Variants in SUGCT observed in about 807,000 individuals in gnomAD.
SUGCT encodes the protein succinyl-CoA:glutarate CoA-transferase.
SUGCT carries 41 observed loss-of-function variants against 55.0 expected under a neutral mutation model. The ratio of observed to expected loss-of-function variants is 0.74; its 90% CI spans 0.58 to 0.97. The LOEUF (loss-of-function observed/expected upper bound fraction) is 0.97. SUGCT is among the 50% of genes least tolerant of loss of function. The pLI, the probability that SUGCT is intolerant of heterozygous loss-of-function variation, is 0.00. For missense variants in SUGCT, 568 were observed against 547.8 expected (o/e 1.04, Z -0.37); for synonymous variants, 187 against 200.4 (o/e 0.93, Z 0.56).
At chr7:40,217,420 C>T (rs1169416024) in intron 6 of SUGCT, 3 of 446,978 alleles carry the variant, frequency 6.7e-6, no homozygotes, top group Non-Finnish European at 1.3e-5. Context: ...CCATGTTGCC[C>T]AGGATGGTCT....
At chr7:40,955,450 A>G in the SUGCT span, among the ~76,000 whole-genome samples, 1 of 152,208 alleles carries the variant, frequency 6.6e-6, no homozygotes, top group Non-Finnish European at 1.5e-5. Context: ...TTGTTGGTGT[A>G]TAGGAATGCT....
At chr7:40,275,559 A>G (rs770723213) in intron 8 of SUGCT, among the ~76,000 whole-genome samples, 1 of 152,228 alleles carries the variant, frequency 6.6e-6, no homozygotes, top group Non-Finnish European at 1.5e-5. Context: ...TAATTGTAAT[A>G]TGATACAAAG....
At chr7:40,839,893 A>T (rs1793189669) in intron 13 of SUGCT, among the ~76,000 whole-genome samples, 2 of 152,096 alleles carry the variant, frequency 1.3e-5, no homozygotes, top group Non-Finnish European at 2.9e-5. Context: ...AGTAATGCCC[A>T]CCGAGTGTGC....
At chr7:40,711,240 G>A (rs908543508) in intron 12 of SUGCT, among the ~76,000 whole-genome samples, 4 of 152,200 alleles carry the variant, frequency 2.6e-5, no homozygotes, top group Non-Finnish European at 4.4e-5. Context: ...GGCTGGGCGC[G>A]GTGGCCCATG....
chr7:40,903,756 C>T, the SUGCT span, among the ~76,000 whole-genome samples: 1 of 152,148 alleles, frequency 6.6e-6, no homozygotes, highest in Non-Finnish European at 1.5e-5. Context: ...TTCTCTCCAG[C>T]CTTCATTTCC....
At chr7:40,443,350 G>C (rs922965886) in intron 9 of SUGCT, among the ~76,000 whole-genome samples, 1 of 152,168 alleles carries the variant, frequency 6.6e-6, no homozygotes, top group Non-Finnish European at 1.5e-5. Context: ...CAGTGTAAAA[G>C]TGCTCCTATT....
the SUGCT span, among the ~76,000 whole-genome samples, chr7:40,958,136 G>A: frequency 1.3e-5 from 2 of 151,996 alleles, no homozygotes; most frequent in Non-Finnish European, 2.9e-5. Flanking sequence ...ACCATTATGT[G>A]TCTTGGGGTT....
intron 12 of SUGCT, among the ~76,000 whole-genome samples, chr7:40,625,761 T>C (rs1347187166): frequency 2.0e-5 from 3 of 151,834 alleles, no homozygotes; most frequent in Non-Finnish European, 4.4e-5. Context: ...ATTGGCGGGG[T>C]TTAAGCAGGC....
In SUGCT at chr7:40,848,545, T is replaced by C. The variant is rs564104545; in HGVS notation, c.1154-11771T>C. ...ATTTGGTGGATAACACTGATGACTA[T>C]CAAAGGGTCATTGATGTGGTTAAAA... On this transcript the variant is annotated intron_variant, in intron 13 of 13. Transcript: ENST00000335693. 5.3e-5 allele frequency among the ~76,000 whole-genome samples: 8 copies of C among 151,952 alleles called. No homozygotes were observed. The South Asian group carries it at 8.3e-4, about 16-fold the overall frequency.
At position 40,237,663 on chromosome 7, in the gene SUGCT, G is replaced by A. The variant is rs564592247; in HGVS notation, c.513G>A (p.Gln171=). 6.8e-6 allele frequency: 11 copies of A among 1,613,910 alleles called. No homozygotes were observed. The African/African-American group carries it at 1.2e-4, about 18-fold the overall frequency. The change falls in exon 7 of 14, where the codon CAG becomes CAA. Residue 171 remains glutamine (Q), a synonymous_variant. Coordinates refer to ENST00000335693, the MANE Select transcript of SUGCT (RefSeq NM_001193313.2). ...ATGGTCAGACAGGTCCAATTTCTCA[G>A]CGAGCTGGTTATGATGCTGTTGCCT... The part of the protein sequence containing the change: ...TGYGQTGPIS[Q]RAGYDAVASA...
chr7:41,026,713 C>T, the SUGCT span, among the ~76,000 whole-genome samples: 1 of 152,172 alleles, frequency 6.6e-6, no homozygotes, highest in Non-Finnish European at 1.5e-5. Flanking sequence ...TTCAGACTTT[C>T]ATAGAAGCTG....
intron 12 of SUGCT, among the ~76,000 whole-genome samples, chr7:40,686,866 A>C (rs1271302604): frequency 6.6e-6 from 1 of 152,136 alleles, no homozygotes; most frequent in African/African-American, 2.4e-5. Flanking sequence ...TACAGCTTCT[A>C]TGTTCAAAAC....
chr7:40,688,589 A>G (rs1784561262), intron 12 of SUGCT, among the ~76,000 whole-genome samples: 1 of 152,080 alleles, frequency 6.6e-6, no homozygotes, highest in Admixed American at 6.6e-5. Context: ...AATTTCTAGC[A>G]CATGTTGGTC....
At chr7:40,167,089 C>T (rs1409900732) in intron 1 of SUGCT, among the ~76,000 whole-genome samples, 2 of 152,100 alleles carry the variant, frequency 1.3e-5, no homozygotes, top group African/African-American at 4.8e-5. Context: ...GATTTGTACA[C>T]AAATGTTCAC....
At chr7:40,939,435 G>A in the SUGCT span, among the ~76,000 whole-genome samples, 3 of 152,140 alleles carry the variant, frequency 2.0e-5, no homozygotes, top group African/African-American at 4.8e-5. Context: ...GGATTAAATG[G>A]TAAATCCTAC....
chr7:40,279,029 G>A (rs1016221584), intron 8 of SUGCT, among the ~76,000 whole-genome samples: 3 of 149,836 alleles, frequency 2.0e-5, no homozygotes, highest in Non-Finnish European at 4.5e-5. Flanking sequence ...AGATGGGGGG[G>A]TCTGACTGTG....
intron 11 of SUGCT, among the ~76,000 whole-genome samples, chr7:40,475,460 A>G (rs919549614): frequency 4.6e-5 from 7 of 152,238 alleles, no homozygotes; most frequent in East Asian, 1.9e-4. Flanking sequence ...TACTTTGTCC[A>G]TAGTATATCC....
intron 13 of SUGCT, chr7:40,775,662 T>C (rs924134826): frequency 5.9e-5 from 9 of 152,336 alleles, no homozygotes; most frequent in African/African-American, 2.2e-4. Context: ...TTATGCCTTT[T>C]AGAGCACAAA....
chr7:40,731,093 G>C (rs1020478851), intron 12 of SUGCT, among the ~76,000 whole-genome samples: 4 of 152,186 alleles, frequency 2.6e-5, no homozygotes, highest in African/African-American at 9.6e-5. Flanking sequence ...GAGTGAATGG[G>C]AGTGCTAGTG....
Sources: gnomAD v4.1 joint callset for allele counts (sites outside exome capture counted in the v4.1 genomes callset) on GRCh38, gnomAD v4.1.1 for gene constraint, MANE v1.5 for transcripts, NCBI Gene and HGNC (gene_info 2026-07-23, HGNC 2026-07-21) for gene names.